Variants in ANKRD29 observed in about 807,000 individuals in gnomAD.
ANKRD29 encodes the protein ankyrin repeat domain 29.
In ANKRD29, 32 loss-of-function variants were observed where a neutral mutation model predicts 38.0. The ratio of observed to expected loss-of-function variants is 0.84; its 90% CI spans 0.64 to 1.13. The LOEUF is 1.13. Ranked by LOEUF, ANKRD29 falls within the 50% of genes most tolerant of loss-of-function variation. ANKRD29 has a pLI of 0.00. For missense variants in ANKRD29, 357 were observed against 377.9 expected (o/e 0.94, Z 0.46); for synonymous variants, 135 against 152.4 (o/e 0.89, Z 0.84).
chr18:23,652,819 G>T (rs1280904751), intron 1 of ANKRD29, among the ~76,000 whole-genome samples: 1 of 152,220 alleles, frequency 6.6e-6, no homozygotes, highest in African/African-American at 2.4e-5. Flanking sequence ...CAACTAAGTT[G>T]AGATCTTGCT....
At chr18:23,615,950 ACATAC>A (rs2059707818) in intron 8 of ANKRD29, among the ~76,000 whole-genome samples, 4 of 136,992 alleles carry the variant, frequency 2.9e-5, no homozygotes, top group Non-Finnish European at 3.2e-5. Flanking sequence ...TATAATATAT[ACATAC>A]TATATGTATG....
At chr18:23,655,000 T>A (rs557591409) in intron 1 of ANKRD29, among the ~76,000 whole-genome samples, 47 of 152,304 alleles carry the variant, frequency 3.1e-4, no homozygotes, top group African/African-American at 1.1e-3. Flanking sequence ...AATAATGAAT[T>A]TCTATGATAT....
At chr18:23,602,478 A>G (rs976812989) in intron 9 of ANKRD29, among the ~76,000 whole-genome samples, 3 of 152,206 alleles carry the variant, frequency 2.0e-5, no homozygotes, top group Non-Finnish European at 4.4e-5. Context: ...CTGCTGAGAT[A>G]CATCCATTAG....
intron 1 of ANKRD29, among the ~76,000 whole-genome samples, chr18:23,654,039 G>A (rs995564458): frequency 1.4e-4 from 21 of 151,696 alleles, no homozygotes; most frequent in African/African-American, 3.4e-4. Flanking sequence ...AGGCCCAGGC[G>A]GGCAGATCAT....
chr18:23,644,866 G>A (rs1016431813), intron 3 of ANKRD29, among the ~76,000 whole-genome samples: 1 of 152,216 alleles, frequency 6.6e-6, no homozygotes, highest in Middle Eastern at 3.4e-3. Context: ...ACCATGTCTG[G>A]CTAAATTTTT....
At chr18:23,616,594 ACTATATATAC>A (rs2059724583) in intron 8 of ANKRD29, among the ~76,000 whole-genome samples, 1 of 141,258 alleles carries the variant, frequency 7.1e-6, no homozygotes, top group African/African-American at 2.7e-5. Flanking sequence ...ATATATATAT[ACTATATATAC>A]TATATATATA....
At chr18:23,620,094 C>A (rs2059777965) in intron 6 of ANKRD29, among the ~76,000 whole-genome samples, 1 of 152,080 alleles carries the variant, frequency 6.6e-6, no homozygotes, top group Non-Finnish European at 1.5e-5. Flanking sequence ...GTGGGTCACA[C>A]CTTAATGTTC....
chr18:23,651,127 T>G (rs2060205657), intron 1 of ANKRD29, among the ~76,000 whole-genome samples: 1 of 152,200 alleles, frequency 6.6e-6, no homozygotes, highest in Non-Finnish European at 1.5e-5. Context: ...GAGGATTTCA[T>G]TTCAGAAGTC....
At chr18:23,633,007 C>T (rs1450602837) in intron 5 of ANKRD29, among the ~76,000 whole-genome samples, 2 of 152,124 alleles carry the variant, frequency 1.3e-5, no homozygotes, top group Non-Finnish European at 2.9e-5. Context: ...TAAATGCCTA[C>T]CTGTAGGACA....
chr18:23,649,174 T>C lies in ANKRD29; in HGVS notation c.41A>G (p.Asn14Ser), dbSNP rs369886446. 209 of 1,613,582 alleles carry C rather than the reference T, an allele frequency of 1.3e-4. No individual in the cohort carries two copies. The highest frequency in any genetic ancestry group is 1.7e-4 in the Non-Finnish European group (203 of 1,179,836). Residue 14 changes from asparagine to serine, a missense_variant, in exon 2 of 10, where the codon AAT becomes AGT. Transcript: ENST00000592179. ...TCTCCTGGCTGCCCAGAATGCAGCATTGGCAAGTGGAGTTTCCTTCTGCAA... is the reference window on the plus strand; with the variant it reads ...TCTCCTGGCTGCCCAGAATGCAGCACTGGCAAGTGGAGTTTCCTTCTGCAA... ...MSFKKETPLA[N>S]AAFWAARRGN...
chr18:23,661,424 G>A (rs536281244), intron 1 of ANKRD29, among the ~76,000 whole-genome samples: 3 of 152,112 alleles, frequency 2.0e-5, no homozygotes, highest in Non-Finnish European at 4.4e-5. Flanking sequence ...TTTTAAAGTC[G>A]GCCGGGCGTA....
At chr18:23,649,637 A>G (rs2060185934) in intron 1 of ANKRD29, 7 of 451,596 alleles carry the variant, frequency 1.6e-5, no homozygotes. Context: ...AAAAGAGTTT[A>G]CCTGCCCGTT....
chr18:23,610,230 C>A (rs1001942962), intron 9 of ANKRD29, among the ~76,000 whole-genome samples: 13 of 152,320 alleles, frequency 8.5e-5, no homozygotes, highest in African/African-American at 2.4e-4. Context: ...GTAATCCCAG[C>A]ACTTTGGGAG....
chr18:23,626,071 C>G (rs1009478474), intron 6 of ANKRD29, among the ~76,000 whole-genome samples: 2 of 152,224 alleles, frequency 1.3e-5, no homozygotes, highest in African/African-American at 4.8e-5. Context: ...GCAGCAAGGA[C>G]TTCCTATGGC....
At chr18:23,617,263 GA>G (rs908449516) in intron 8 of ANKRD29, among the ~76,000 whole-genome samples, 1 of 152,092 alleles carries the variant, frequency 6.6e-6, no homozygotes, top group African/African-American at 2.4e-5. Flanking sequence ...CTTAAAAAAA[GA>G]GTTTTGGCTC....
intron 9 of ANKRD29, among the ~76,000 whole-genome samples, chr18:23,601,946 C>T (rs1036283950): frequency 1.1e-4 from 17 of 152,230 alleles, no homozygotes; most frequent in African/African-American, 3.6e-4. Context: ...CATCAGCCAC[C>T]GTGCCCAGCC....
At chr18:23,652,446 G>A (rs994816162) in intron 1 of ANKRD29, among the ~76,000 whole-genome samples, 2 of 152,074 alleles carry the variant, frequency 1.3e-5, no homozygotes, top group African/African-American at 4.8e-5. Context: ...AAGGAGTAAG[G>A]CAGCAGTGAC....
At chr18:23,613,164 A>ATTTTTTT (rs546475443) in intron 8 of ANKRD29, among the ~76,000 whole-genome samples, 6 of 99,052 alleles carry the variant, frequency 6.1e-5, no homozygotes, top group East Asian at 2.9e-4. Flanking sequence ...ACGGGTCAGA[A>ATTTTTTT]TTTTTTTTTT....
chr18:23,631,810 C>T (rs1395795255), intron 5 of ANKRD29, among the ~76,000 whole-genome samples: 1 of 152,198 alleles, frequency 6.6e-6, no homozygotes, highest in East Asian at 1.9e-4. Flanking sequence ...ACACATGTCA[C>T]TCGGTGCTTT....
Sources: allele counts gnomAD v4.1 joint callset (sites outside exome capture counted in the v4.1 genomes callset), GRCh38; gene constraint gnomAD v4.1.1; transcripts MANE v1.5; gene names NCBI Gene and HGNC (gene_info 2026-07-23, HGNC 2026-07-21).